Variants in NFASC observed in about 807,000 individuals in gnomAD.
The protein encoded by NFASC is neurofascin homolog.
In NFASC, 43 loss-of-function variants were observed where a neutral mutation model predicts 147.5. The observed-to-expected ratio is 0.29, with a 90% CI of 0.23 to 0.38. The LOEUF is 0.38. NFASC is among the 10% of genes least tolerant of loss of function. The pLI is 1.00. For synonymous variants in NFASC, 622 were observed against 665.5 expected (o/e 0.93, Z 1.01); for missense variants, 1,320 against 1,689.0 (o/e 0.78, Z 3.83).
At chr1:204,939,046 G>GA (rs1558170768) in intron 2 of NFASC, among the ~76,000 whole-genome samples, 3 of 148,880 alleles carry the variant, frequency 2.0e-5, no homozygotes, top group African/African-American at 7.4e-5. Context: ...GGATGTGTGT[G>GA]TGTGTGTGTG....
rs1172684749 is a variant in NFASC, at chr1:204,925,546, C to G, written c.-91+4806C>G. On this transcript the variant is annotated intron_variant, in intron 2 of 29. Coordinates refer to ENST00000339876, the MANE Select transcript of NFASC (RefSeq NM_001005388.3). ...CCCTGTTCTGCTTTGAGTTAATACT[C>G]ACTTCTGTGAAGGGCCAAAGAAAAA... Among the ~76,000 whole-genome samples the G allele has an allele frequency of 2.0e-5, 3 of 152,242 alleles. No homozygotes were observed. The East Asian group carries it at 5.8e-4, about 29-fold the overall frequency.
intron 1 of NFASC, among the ~76,000 whole-genome samples, chr1:204,902,693 G>C (rs1262489002): frequency 1.3e-5 from 2 of 152,178 alleles, no homozygotes; most frequent in African/African-American, 4.8e-5. Context: ...TGATGTGCAA[G>C]AGTCGTTATG....
At chr1:204,945,902 TCTC>T (rs61370685) in intron 3 of NFASC, among the ~76,000 whole-genome samples, 60 of 152,270 alleles carry the variant, frequency 3.9e-4, no homozygotes, top group African/African-American at 1.3e-3. Flanking sequence ...TTCTGCCACT[TCTC>T]CTCTCTCACT....
intron 3 of NFASC, chr1:204,948,782 A>G (rs2093945169): frequency 2.0e-6 from 1 of 507,544 alleles, no homozygotes; most frequent in Non-Finnish European, 3.9e-6. Flanking sequence ...AGTCTTGAAT[A>G]GGCAAAGGAG....
rs1003345722 is a variant in NFASC at position 204,975,771 on chromosome 1, C to T, written c.1706+353C>T. The stretch of plus-strand genomic sequence containing the variant: ...CTTCTCTTTTCCTCCTTTGCTGCAT[C>T]CCAGGCTCCAGCCTTTCAGCCCTAT... On this transcript the variant is annotated intron_variant, in intron 15 of 29. Transcript: ENST00000339876. This position sits in a 1 kb window ranked among gnomAD's most constrained non-coding sequence, Gnocchi z 4.0. Among the ~76,000 whole-genome samples, 23 of 152,124 alleles carry T rather than the reference C, an allele frequency of 1.5e-4. No homozygotes were observed. Among genetic ancestry groups the T allele is most frequent in the African/African-American group, 5.3e-4 (22 of 41,402 alleles).
At position 204,954,477 on chromosome 1, in the gene NFASC, C is replaced by A; in HGVS notation, c.412+93C>A. ...GCCATTCCAGAAGGGCTGCCCCTGC[C>A]CTTGGCCTGCAGTTGCCTTGGTGTT... On this transcript the variant is annotated intron_variant, in intron 6 of 29. Transcript: ENST00000339876. This position sits in a 1 kb window ranked among gnomAD's most constrained non-coding sequence, Gnocchi z 5.7. The A allele has an allele frequency of 8.2e-7, 1 of 1,226,010 alleles. No homozygotes were observed. Among genetic ancestry groups the A allele is most frequent in the Non-Finnish European group, 1.1e-6 (1 of 877,792 alleles). The allele number at this position is 1,226,010 out of a possible 1,614,324, so 75.9% of individuals were successfully genotyped here.
Position 204,987,394 on chromosome 1 carries a change from C to T in NFASC, c.2471-24C>T, listed in dbSNP as rs1459864964. On this transcript the variant is annotated intron_variant, in intron 21 of 29. Coordinates refer to ENST00000339876, the MANE Select transcript of NFASC (RefSeq NM_001005388.3). This position sits in a 1 kb window ranked among gnomAD's most constrained non-coding sequence, Gnocchi z 4.4. ...TCCCTGCCCCCTCCCCCTCATCTCC[C>T]CTGCTCTCTCCTCCTTCCCCAAGTA... 9 of 1,610,534 alleles carry T rather than the reference C, an allele frequency of 5.6e-6. No homozygotes were observed. The highest frequency in any genetic ancestry group is 2.2e-5 in the East Asian group (1 of 44,774).
chr1:204,871,773 G>A (rs1375558815), intron 1 of NFASC, among the ~76,000 whole-genome samples: 2 of 152,242 alleles, frequency 1.3e-5, no homozygotes, highest in Non-Finnish European at 2.9e-5. Context: ...CAAAACAAGA[G>A]TGAAGACAGA....
intron 3 of NFASC, 66 bp downstream of exon 3, chr1:204,944,472 G>GGGGGGGGGGA: frequency 2.5e-6 from 1 of 402,580 alleles, no homozygotes. Flanking sequence ...GGAGGGGAGG[G>GGGGGGGGGGA]AAGGTCAGAG....
rs368890590 is a variant in NFASC, at chr1:204,867,272, A to C, written c.-200+38490A>C. Among the ~76,000 whole-genome samples, 31 of 152,254 alleles carry C rather than the reference A, an allele frequency of 2.0e-4. No homozygotes were observed. In the East Asian group the frequency reaches 4.6e-3, roughly 23 times the overall value. On this transcript the variant is annotated intron_variant, in intron 1 of 29. Transcript: ENST00000339876. ...GAGACCATGGGACTGCTCCACCCAC[A>C]CAGAAACAGAAATACAATACCCATA...
intron 27 of NFASC, among the ~76,000 whole-genome samples, chr1:205,004,761 A>G (rs571945725): frequency 7.7e-6 from 1 of 130,500 alleles, no homozygotes; most frequent in Admixed American, 7.3e-5. Flanking sequence ...CACTTAGACA[A>G]CCACAGGCAG....
Position 204,977,749 on chromosome 1 carries a change from C to T in NFASC, c.1876+24C>T, listed in dbSNP as rs373594074. 75 of 1,600,600 alleles carry T rather than the reference C, an allele frequency of 4.7e-5. No individual in the cohort carries two copies. In the African/African-American group the frequency reaches 9.2e-4, roughly 20 times the overall value. ...AGGTAATTCCCACTAATCACAGTCC[C>T]CTGCCAGTGCCCTCTCTTGGCACCC... On this transcript the variant is annotated intron_variant, in intron 17 of 29. Coordinates refer to ENST00000339876, the MANE Select transcript of NFASC (RefSeq NM_001005388.3).
intron 1 of NFASC, among the ~76,000 whole-genome samples, chr1:204,902,648 T>C (rs74674433): frequency 0.018 from 2,813 of 152,262 alleles, 82 homozygotes; most frequent in African/African-American, 0.064. Flanking sequence ...GGATGAAGTG[T>C]GATTGCCTTT....
chr1:204,842,058 C>T (rs987104046), intron 1 of NFASC, among the ~76,000 whole-genome samples: 1 of 152,056 alleles, frequency 6.6e-6, no homozygotes, highest in African/African-American at 2.4e-5. Flanking sequence ...TATCTCAAGA[C>T]CTTATTAGGT....
intron 1 of NFASC, among the ~76,000 whole-genome samples, chr1:204,882,118 T>G (rs1217171332): frequency 6.6e-6 from 1 of 152,190 alleles, no homozygotes; most frequent in Non-Finnish European, 1.5e-5. Flanking sequence ...AAGACCCTAT[T>G]GCAGTGCTCC....
rs548648406 is a variant in NFASC, at chr1:204,984,597, G to T, written c.2470+2577G>T. Reference sequence around the variant, plus strand: ...GCTACTCCCCTCCCCTCTCCCAATGGCCCCTACTGGGCTCCTTATCTCCTA... The same window carrying T: ...GCTACTCCCCTCCCCTCTCCCAATGTCCCCTACTGGGCTCCTTATCTCCTA... On this transcript the variant is annotated intron_variant, in intron 21 of 29. Coordinates refer to ENST00000339876, the MANE Select transcript of NFASC (RefSeq NM_001005388.3). Among the ~76,000 whole-genome samples the T allele has an allele frequency of 2.0e-5, 3 of 151,984 alleles. No homozygotes were observed. In the South Asian group the frequency reaches 6.2e-4, roughly 32 times the overall value.
chr1:204,887,696 A>T (rs2148982424), intron 1 of NFASC, among the ~76,000 whole-genome samples: 1 of 146,658 alleles, frequency 6.8e-6, no homozygotes, highest in Middle Eastern at 3.5e-3. Flanking sequence ...TCCCAGGCTC[A>T]AACAGTCCTC....
chr1:204,982,835 G>A (rs1169867848), intron 21 of NFASC, among the ~76,000 whole-genome samples: 2 of 152,174 alleles, frequency 1.3e-5, no homozygotes, highest in African/African-American at 2.4e-5. Context: ...GCAGAAGGAA[G>A]GGAGGAGGGA....
At chr1:204,904,954 C>T (rs527371564) in intron 1 of NFASC, among the ~76,000 whole-genome samples, 9 of 152,164 alleles carry the variant, frequency 5.9e-5, no homozygotes, top group Admixed American at 1.3e-4. Flanking sequence ...CCACCCCCAA[C>T]AAAAGCTAGG....
Sources: allele counts gnomAD v4.1 joint callset (sites outside exome capture counted in the v4.1 genomes callset), GRCh38; gene constraint gnomAD v4.1.1; non-coding constraint Gnocchi (gnomAD v3.1); transcripts MANE v1.5; gene names NCBI Gene and HGNC (gene_info 2026-07-23, HGNC 2026-07-21).